Variants in TRAK2 observed in about 807,000 individuals in gnomAD.
TRAK2 encodes the protein trafficking kinesin protein 2.
In TRAK2, 81 loss-of-function variants were observed where a neutral mutation model predicts 104.6. The ratio of observed to expected loss-of-function variants is 0.77; its 90% CI spans 0.65 to 0.93. The LOEUF (loss-of-function observed/expected upper bound fraction) is 0.93, where lower values mean the gene tolerates loss of function less well. TRAK2 is among the 40% of genes least tolerant of loss of function. The pLI is 0.00. For missense variants in TRAK2, 1,002 were observed against 1,089.0 expected, an observed-to-expected ratio of 0.92 and a Z score of 1.12; for synonymous variants, 406 against 394.4, an observed-to-expected ratio of 1.03 and a Z score of -0.35.
At chr2:201,402,581 G>A (rs1951558761) in intron 3 of TRAK2, among the ~76,000 whole-genome samples, 1 of 152,106 alleles carries the variant, frequency 6.6e-6, no homozygotes, top group Non-Finnish European at 1.5e-5. Context: ...ACAGTGATAA[G>A]GGAAGCAGAC....
At chr2:201,389,164 G>C (rs1316259625) in intron 12 of TRAK2, 136 bp downstream of exon 12, 4 of 836,402 alleles carry the variant, frequency 4.8e-6, no homozygotes, top group Non-Finnish European at 7.7e-6. Flanking sequence ...AATGATACAA[G>C]GCATCATAAG....
chr2:201,386,613 A>G, intron 13 of TRAK2, 129 bp from the exon 14 acceptor site: 2 of 1,266,138 alleles, frequency 1.6e-6, no homozygotes. Context: ...GGTGTTAATA[A>G]TTTGGTAAAA....
rs568408862 is a variant in TRAK2 at position 201,420,411 on chromosome 2, A to G, written c.91+6T>C. The G allele has an allele frequency of 1.5e-5, 24 of 1,612,078 alleles. No individual in the cohort carries two copies. The South Asian group carries it at 2.4e-4, about 16-fold the overall frequency. The stretch of plus-strand genomic sequence containing the variant: ...AGCACTTCAATATTTATTAAACTGG[A>G]CTTACCAGTGATGCTCTCCGAGTCT... On this transcript the variant is annotated splice_donor_region_variant and intron_variant, in intron 2 of 15. Coordinates refer to ENST00000332624, the MANE Select transcript of TRAK2 (RefSeq NM_015049.3).
At chr2:201,449,882 C>A (rs954012654) in intron 1 of TRAK2, among the ~76,000 whole-genome samples, 4 of 151,856 alleles carry the variant, frequency 2.6e-5, no homozygotes, top group African/African-American at 9.7e-5. Context: ...TCAGTAGAGA[C>A]GGGTTTCTCC....
chr2:201,382,926 G>A (rs1198721835), intron 15 of TRAK2, among the ~76,000 whole-genome samples: 1 of 151,954 alleles, frequency 6.6e-6, no homozygotes, highest in African/African-American at 2.4e-5. Context: ...CCTTACTCTT[G>A]ATTCCCCTTT....
At chr2:201,393,664 C>T (rs1489383504) in intron 9 of TRAK2, among the ~76,000 whole-genome samples, 2 of 152,182 alleles carry the variant, frequency 1.3e-5, no homozygotes, top group Non-Finnish European at 2.9e-5. Flanking sequence ...AATGCAGATT[C>T]TAGGCTCTCA....
intron 3 of TRAK2, among the ~76,000 whole-genome samples, chr2:201,404,283 G>A (rs1457697954): frequency 2.0e-5 from 3 of 152,136 alleles, no homozygotes; most frequent in Non-Finnish European, 2.9e-5. Context: ...AGTTTTCGTT[G>A]TTGAAAATAT....
intron 1 of TRAK2, among the ~76,000 whole-genome samples, chr2:201,425,906 A>C (rs935401614): frequency 6.6e-6 from 1 of 152,194 alleles, no homozygotes; most frequent in Non-Finnish European, 1.5e-5. Context: ...AAATCTAATG[A>C]TAATTTTGAG....
chr2:201,437,005 T>C (rs1239811504), intron 1 of TRAK2, among the ~76,000 whole-genome samples: 1 of 152,214 alleles, frequency 6.6e-6, no homozygotes, highest in East Asian at 1.9e-4. Flanking sequence ...GACTTTCTAA[T>C]TACAGTATGT....
At chr2:201,382,618 C>T (rs1239969189) in intron 15 of TRAK2, among the ~76,000 whole-genome samples, 1 of 152,144 alleles carries the variant, frequency 6.6e-6, no homozygotes. Flanking sequence ...TCCTCAAGAA[C>T]CAATTTTGTA....
At chr2:201,387,073 A>G (rs1559437431) in intron 13 of TRAK2, among the ~76,000 whole-genome samples, 1 of 152,242 alleles carries the variant, frequency 6.6e-6, no homozygotes, top group Non-Finnish European at 1.5e-5. Flanking sequence ...TCATTAATGA[A>G]TACAACTAAG....
intron 3 of TRAK2, among the ~76,000 whole-genome samples, chr2:201,405,329 A>G (rs1951584715): frequency 6.6e-6 from 1 of 152,212 alleles, no homozygotes; most frequent in Non-Finnish European, 1.5e-5. Flanking sequence ...TTCTATGACC[A>G]TATTTATCTG....
chr2:201,382,709 TA>T (rs1951354942), intron 15 of TRAK2, among the ~76,000 whole-genome samples: 1 of 152,212 alleles, frequency 6.6e-6, no homozygotes, highest in African/African-American at 2.4e-5. Context: ...TTGGGATCTT[TA>T]GTGGATATCA....
chr2:201,410,664 T>C lies in TRAK2; in HGVS notation c.92-3067A>G, dbSNP rs1314911317. The C allele has an allele frequency of 2.3e-6, 3 of 1,302,704 alleles. No homozygotes were observed. In the African/African-American group the frequency reaches 4.4e-5, roughly 19 times the overall value. The allele number at this position is 1,302,704 out of a possible 1,614,324, so 80.7% of individuals were successfully genotyped here. A position where few individuals can be genotyped will look rare whatever the true frequency, so the allele number is the denominator to read the frequency against. ...TACCCTGCATACCAAAGGCAGATTG[T>C]CCTATCATGTTCATCTGTGTTCCCA... On this transcript the variant is annotated intron_variant, in intron 2 of 15. Transcript: ENST00000332624.
intron 1 of TRAK2, among the ~76,000 whole-genome samples, chr2:201,431,524 C>G (rs753577093): frequency 1.3e-5 from 2 of 152,206 alleles, no homozygotes; most frequent in African/African-American, 4.8e-5. Flanking sequence ...TCAAGTTTCT[C>G]TCTGCTTCTA....
intron 1 of TRAK2, among the ~76,000 whole-genome samples, chr2:201,438,632 G>A (rs1380984088): frequency 6.6e-6 from 1 of 152,156 alleles, no homozygotes; most frequent in African/African-American, 2.4e-5. Context: ...TGTGTGTGTA[G>A]TTTGCAAAAG....
At chr2:201,385,985 T>C (rs1185255316) in intron 14 of TRAK2, among the ~76,000 whole-genome samples, 1 of 152,158 alleles carries the variant, frequency 6.6e-6, no homozygotes, top group Non-Finnish European at 1.5e-5. Flanking sequence ...GCCCAAAAGG[T>C]TTGTGAACCA....
chr2:201,402,312 A>G (rs1951557020), intron 3 of TRAK2, among the ~76,000 whole-genome samples: 2 of 152,062 alleles, frequency 1.3e-5, no homozygotes, highest in Admixed American at 1.3e-4. Flanking sequence ...ATCATTAGAT[A>G]TGTTTTACTT....
intron 9 of TRAK2, 112 bp downstream of exon 9, chr2:201,394,683 TTTG>T (rs1951483919): frequency 1.1e-6 from 1 of 894,084 alleles, no homozygotes; most frequent in South Asian, 1.7e-5. Context: ...ATCTTAACCT[TTTG>T]TTGTTGTTTT....
Sources: gnomAD v4.1 joint callset for allele counts (sites outside exome capture counted in the v4.1 genomes callset) on GRCh38, gnomAD v4.1.1 for gene constraint, MANE v1.5 for transcripts, NCBI Gene and HGNC (gene_info 2026-07-23, HGNC 2026-07-21) for gene names.